Variants in EYS observed in about 807,000 individuals in gnomAD.
EYS encodes the protein protein eyes shut homolog.
EYS carries 250 observed loss-of-function variants against 282.1 expected under a neutral mutation model. That is an observed-to-expected ratio of 0.89 (90% CI 0.80 to 0.98). The LOEUF (loss-of-function observed/expected upper bound fraction) is 0.98, where lower values mean the gene tolerates loss of function less well. EYS is among the 50% of genes least tolerant of loss of function. EYS has a pLI of 0.00. For synonymous variants in EYS, 1,355 were observed against 1,282.9 expected (o/e 1.06, Z -1.20); for missense variants, 4,016 against 3,709.0 (o/e 1.08, Z -2.15).
chr6:65,674,624 A>T (rs1314249356), intron 1 of EYS, among the ~76,000 whole-genome samples: 1 of 152,026 alleles, frequency 6.6e-6, no homozygotes, highest in African/African-American at 2.4e-5. Flanking sequence ...CAAGATTACT[A>T]TATGGAACAA....
At chr6:64,551,658 TC>T (rs1765086994) in intron 26 of EYS, among the ~76,000 whole-genome samples, 2 of 151,310 alleles carry the variant, frequency 1.3e-5, no homozygotes, top group Non-Finnish European at 2.9e-5. Context: ...TGACTCAGCC[TC>T]CTGAGTACCA....
intron 5 of EYS, among the ~76,000 whole-genome samples, chr6:65,438,384 G>A (rs1768170393): frequency 6.6e-6 from 1 of 152,104 alleles, no homozygotes; most frequent in Non-Finnish European, 1.5e-5. Context: ...TAACGGGATG[G>A]CTGGGTCAAA....
intron 12 of EYS, among the ~76,000 whole-genome samples, chr6:65,112,267 G>A (rs1775235269): frequency 6.6e-6 from 1 of 151,992 alleles, no homozygotes; most frequent in Non-Finnish European, 1.5e-5. Flanking sequence ...TTTTATGATA[G>A]ATTTTCAAAG....
At chr6:64,947,043 T>G (rs1341134761) in intron 14 of EYS, among the ~76,000 whole-genome samples, 12 of 151,880 alleles carry the variant, frequency 7.9e-5, no homozygotes, top group Admixed American at 7.9e-4. Context: ...GTCTATATAC[T>G]TATAAGCACA....
intron 2 of EYS, among the ~76,000 whole-genome samples, chr6:65,581,195 G>C (rs1005898822): frequency 6.6e-6 from 1 of 151,838 alleles, no homozygotes; most frequent in Non-Finnish European, 1.5e-5. Flanking sequence ...TCATGTACTC[G>C]TCTTCACCCA....
intron 13 of EYS, among the ~76,000 whole-genome samples, chr6:65,014,313 A>T (rs967846008): frequency 6.6e-6 from 1 of 152,270 alleles, no homozygotes; most frequent in African/African-American, 2.4e-5. Context: ...TAGAGAACTC[A>T]GTTAAACCAT....
intron 30 of EYS, among the ~76,000 whole-genome samples, chr6:64,254,168 A>G (rs1296360514): frequency 6.6e-6 from 1 of 152,052 alleles, no homozygotes; most frequent in South Asian, 2.1e-4. Context: ...CACTGTACCC[A>G]TGTCTTCCCC....
chr6:64,511,938 A>G (rs2485433), intron 26 of EYS, among the ~76,000 whole-genome samples: 151,957 of 152,152 alleles, frequency 1, 75,882 homozygotes, highest in Middle Eastern at 1. Flanking sequence ...TTTGGAAGAG[A>G]CTCATGGGAA....
chr6:64,121,605 A>C (rs1773591860), intron 31 of EYS, among the ~76,000 whole-genome samples: 1 of 152,214 alleles, frequency 6.6e-6, no homozygotes. Flanking sequence ...GTCTATACAG[A>C]AGACTTAAAT....
At chr6:65,373,845 AC>A (rs1765254274) in intron 8 of EYS, among the ~76,000 whole-genome samples, 1 of 152,146 alleles carries the variant, frequency 6.6e-6, no homozygotes, top group African/African-American at 2.4e-5. Context: ...ATTTCTAGAT[AC>A]TGAATTATTA....
intron 12 of EYS, among the ~76,000 whole-genome samples, chr6:65,271,128 T>TTATATATATATATGTATA (rs1554174613): frequency 5.4e-5 from 3 of 55,788 alleles, no homozygotes; most frequent in Non-Finnish European, 7.3e-5. Context: ...AATCAATAGA[T>TTATATATATATATGTATA]TATATATATA....
chr6:64,599,832 T>A (rs966172774), intron 24 of EYS, among the ~76,000 whole-genome samples: 4 of 152,124 alleles, frequency 2.6e-5, no homozygotes, highest in African/African-American at 4.8e-5. Context: ...AGATTTGTTA[T>A]CAATATTTCT....
At chr6:64,740,629 A>T (rs2149960630) in intron 22 of EYS, among the ~76,000 whole-genome samples, 1 of 152,212 alleles carries the variant, frequency 6.6e-6, no homozygotes, top group South Asian at 2.1e-4. Flanking sequence ...TGTCTGTGAG[A>T]CACATTATCA....
chr6:65,078,838 G>T (rs921849844), intron 12 of EYS, among the ~76,000 whole-genome samples: 1 of 151,742 alleles, frequency 6.6e-6, no homozygotes, highest in Non-Finnish European at 1.5e-5. Flanking sequence ...CTCATGACTT[G>T]GTGCTGTCCT....
intron 26 of EYS, among the ~76,000 whole-genome samples, chr6:64,494,231 A>G (rs562954784): frequency 1.3e-5 from 2 of 151,684 alleles, no homozygotes; most frequent in East Asian, 3.9e-4. Flanking sequence ...TTATCCTCAA[A>G]CCATTCTCCA....
intron 15 of EYS, among the ~76,000 whole-genome samples, chr6:64,929,665 T>C (rs1407196644): frequency 1.3e-5 from 2 of 152,180 alleles, no homozygotes; most frequent in Non-Finnish European, 2.9e-5. Context: ...TTTGATAAAA[T>C]TTGAACTACA....
chr6:65,322,794 TCAAAAAA>T (rs1562096007), intron 11 of EYS, among the ~76,000 whole-genome samples: 1 of 87,232 alleles, frequency 1.1e-5, no homozygotes. Context: ...AGAATCCGTC[TCAAAAAA>T]AAAAAAAAAA....
At chr6:65,291,058 C>T (rs1460861793) in intron 12 of EYS, among the ~76,000 whole-genome samples, 1 of 151,270 alleles carries the variant, frequency 6.6e-6, no homozygotes, top group Non-Finnish European at 1.5e-5. Context: ...ATAAAAACTA[C>T]CTTTATTTGC....
At chr6:65,675,479 T>A (rs1300516625) in intron 1 of EYS, among the ~76,000 whole-genome samples, 2 of 151,852 alleles carry the variant, frequency 1.3e-5, no homozygotes, top group African/African-American at 2.4e-5. Flanking sequence ...CATATTTGTA[T>A]CAGACAAAAT....
Sources: allele counts gnomAD v4.1 joint callset (sites outside exome capture counted in the v4.1 genomes callset), GRCh38; gene constraint gnomAD v4.1.1; transcripts MANE v1.5; gene names NCBI Gene and HGNC (gene_info 2026-07-23, HGNC 2026-07-21).